KMT2C: variants seen among roughly 807,000 people sequenced by gnomAD.
KMT2C encodes lysine methyltransferase 2C, also known as histone-lysine N-methyltransferase 2C.
A neutral mutation model predicts 507.9 loss-of-function variants in KMT2C; 88 were observed. That is an observed-to-expected ratio of 0.17 (90% confidence interval 0.15 to 0.21). KMT2C has a LOEUF of 0.21. KMT2C is among the 10% of genes least tolerant of loss of function. The probability of loss-of-function intolerance (pLI) is 1.00; values close to 1 mark genes in which losing one functional copy is unlikely to be tolerated. For synonymous variants in KMT2C, 2,049 were observed against 2,080.8 expected, an observed-to-expected ratio of 0.98 and a Z score of 0.42; for missense variants, 4,954 against 5,957.8, an observed-to-expected ratio of 0.83 and a Z score of 5.55.
intron 18 of KMT2C, among the ~76,000 whole-genome samples, chr7:152,225,159 G>A (rs2094889626): frequency 6.6e-6 from 1 of 152,106 alleles, no homozygotes. Flanking sequence ...GTATAAGTTA[G>A]TAGAATATTT....
chr7:152,196,071 G>T, intron 27 of KMT2C, 60 bp from the exon 28 acceptor site: 1 of 982,908 alleles, frequency 1.0e-6, no homozygotes, highest in Non-Finnish European at 1.5e-6. Flanking sequence ...TAAGCCATTT[G>T]CTAAAAACCT....
intron 16 of KMT2C, among the ~76,000 whole-genome samples, chr7:152,230,722 T>G (rs1244082684): frequency 6.6e-6 from 1 of 152,204 alleles, no homozygotes; most frequent in Non-Finnish European, 1.5e-5. Context: ...AAACATAAAA[T>G]ACAGCACATA....
At chr7:152,260,140 T>C (rs2095743795) in intron 9 of KMT2C, among the ~76,000 whole-genome samples, 1 of 152,224 alleles carries the variant, frequency 6.6e-6, no homozygotes, top group Non-Finnish European at 1.5e-5. Flanking sequence ...ATCAATTTAG[T>C]AACTGAAAAA....
chr7:152,139,002 T>G, intron 57 of KMT2C, 98 bp from the exon 58 acceptor site: 1 of 1,069,322 alleles, frequency 9.4e-7, no homozygotes, highest in Admixed American at 1.8e-5. Flanking sequence ...CTAATTAAAT[T>G]TCTATTTGCC....
At chr7:152,362,605 T>C (rs1203359560) in intron 1 of KMT2C, among the ~76,000 whole-genome samples, 2 of 152,190 alleles carry the variant, frequency 1.3e-5, no homozygotes, top group Non-Finnish European at 2.9e-5. Flanking sequence ...TTTAAAGAAA[T>C]TGGAAACCGT....
At position 152,194,573 on chromosome 7, in the gene KMT2C, A is replaced by G. The variant is rs764664193; in HGVS notation, c.4379-5T>C. The G allele has an allele frequency of 2.0e-5, 32 of 1,610,056 alleles. No homozygotes were observed. The highest frequency in any genetic ancestry group is 9.3e-6 in the Non-Finnish European group (11 of 1,176,980). On this transcript the variant is annotated splice_region_variant and splice_polypyrimidine_tract_variant and intron_variant, in intron 28 of 58. Coordinates refer to ENST00000262189, the MANE Select transcript of KMT2C (RefSeq NM_170606.3). ...CATCAGTGACAGGACCAATATCTAC[A>G]AGAGTAAGGAAAATAAATTTAAAGG...
At chr7:152,193,235 CTCCT>C (rs1256437241) in intron 31 of KMT2C, among the ~76,000 whole-genome samples, 1 of 152,174 alleles carries the variant, frequency 6.6e-6, no homozygotes, top group Non-Finnish European at 1.5e-5. Context: ...ACTCCATAAA[CTCCT>C]TCCTATAGAT....
chr7:152,340,850 G>A (rs545932745), intron 2 of KMT2C, among the ~76,000 whole-genome samples: 5 of 151,744 alleles, frequency 3.3e-5, no homozygotes, highest in Admixed American at 6.6e-5. Context: ...AAAAATATGC[G>A]GGCATTAATT....
At chr7:152,263,564 T>C (rs1408676997) in intron 8 of KMT2C, among the ~76,000 whole-genome samples, 1 of 152,218 alleles carries the variant, frequency 6.6e-6, no homozygotes, top group African/African-American at 2.4e-5. Flanking sequence ...GTATTCAGGC[T>C]GCTGTTTTCT....
chr7:152,184,742 T>C (rs1202555465), intron 34 of KMT2C, among the ~76,000 whole-genome samples: 2 of 152,188 alleles, frequency 1.3e-5, no homozygotes, highest in Non-Finnish European at 2.9e-5. Context: ...AGTATTTGCA[T>C]ATAACCTACA....
chr7:152,291,263 GA>G (rs1220098923), intron 6 of KMT2C, among the ~76,000 whole-genome samples: 1 of 151,700 alleles, frequency 6.6e-6, no homozygotes, highest in East Asian at 1.9e-4. Context: ...TTGCTATGTA[GA>G]ATGGCAATTC....
Position 152,154,031 on chromosome 7 carries a change from A to G in KMT2C, c.12255T>C (p.Thr4085=). The stretch of plus-strand genomic sequence containing the variant: ...TTACCTCAGCAGCTGTAGGATGCAG[A>G]GTAATTGCTACAGATATAAGACCTG... ...PRSGLISVAI[T]LHPTAAENIS... Residue 4085 remains threonine, a synonymous_variant, in exon 48 of 59, where the codon ACT becomes ACC. Coordinates refer to ENST00000262189, the MANE Select transcript of KMT2C (RefSeq NM_170606.3). 6.2e-7 allele frequency: 1 copy of G among 1,614,118 alleles called. No homozygotes were observed. The highest frequency in any genetic ancestry group is 8.5e-7 in the Non-Finnish European group (1 of 1,179,980).
intron 23 of KMT2C, among the ~76,000 whole-genome samples, chr7:152,209,484 A>AT (rs909174341): frequency 2.0e-5 from 3 of 151,416 alleles, no homozygotes; most frequent in African/African-American, 7.3e-5. Flanking sequence ...ATGACAGGGA[A>AT]TTTTGAGTTA....
intron 1 of KMT2C, among the ~76,000 whole-genome samples, chr7:152,384,005 A>G (rs1163798644): frequency 2.6e-5 from 4 of 151,732 alleles, no homozygotes; most frequent in Non-Finnish European, 4.4e-5. Context: ...AACAAGAACT[A>G]AGACTCTAGA....
intron 43 of KMT2C, among the ~76,000 whole-genome samples, chr7:152,160,010 ATAAT>A (rs1227788147): frequency 2.0e-5 from 3 of 152,246 alleles, no homozygotes; most frequent in Non-Finnish European, 4.4e-5. Context: ...AGCCCCTGGC[ATAAT>A]TACTCAACTC....
chr7:152,140,167 A>G (rs1201807761), intron 55 of KMT2C, among the ~76,000 whole-genome samples: 1 of 152,228 alleles, frequency 6.6e-6, no homozygotes, highest in Non-Finnish European at 1.5e-5. Context: ...CTATTTCAAA[A>G]AAGACATAAT....
At chr7:152,309,383 G>C (rs1368567956) in intron 6 of KMT2C, among the ~76,000 whole-genome samples, 2 of 149,306 alleles carry the variant, frequency 1.3e-5, no homozygotes, top group Non-Finnish European at 3.0e-5. Flanking sequence ...GAGTGCAGTG[G>C]TGCAATCATG....
At chr7:152,426,871 T>C (rs1014554087) in intron 1 of KMT2C, among the ~76,000 whole-genome samples, 1 of 152,230 alleles carries the variant, frequency 6.6e-6, no homozygotes, top group African/African-American at 2.4e-5. Context: ...CCAGAAGGTC[T>C]AGGCTCTATA....
rs200156200 is a variant in KMT2C at position 152,199,280 on chromosome 7, G to T, written c.4272C>A (p.His1424Gln). 3.2e-6 allele frequency: 5 copies of T among 1,587,140 alleles called. No individual in the cohort carries two copies. In the South Asian group the frequency reaches 3.5e-5, roughly 11 times the overall value. The change falls in exon 27 of 59, where the codon CAC becomes CAA. Residue 1424 changes from histidine (H) to glutamine (Q), a missense_variant and splice_region_variant. Around this residue, in one of 29 missense-constraint regions of KMT2C, gnomAD observed 140 missense variants for 118.4 expected, o/e 1.18. Transcript: ENST00000262189. ...ATATCTGTGAATAATTCTACATACC[G>T]TGAGTTCCAGATTTTGTTGGAGCCG... ...SSSAPTKSGT[H>Q]GPADDPLADI...
Sources: allele counts gnomAD v4.1 joint callset (sites outside exome capture counted in the v4.1 genomes callset), GRCh38; gene constraint gnomAD v4.1.1; regional missense constraint gnomAD v4.1.1; transcripts MANE v1.5; gene names NCBI Gene and HGNC (gene_info 2026-07-23, HGNC 2026-07-21).